IQCM: variants seen among roughly 807,000 people sequenced by gnomAD.
IQCM encodes IQ motif containing M.
Under a neutral mutation model 57.6 loss-of-function variants are expected in IQCM, and 45 were observed. That is an observed-to-expected ratio of 0.78 (90% CI 0.62 to 1.00). The LOEUF (loss-of-function observed/expected upper bound fraction) is 1.00, where lower values mean the gene tolerates loss of function less well. Among genes scored for constraint, IQCM ranks in the 50% least tolerant of loss-of-function variants. The pLI is 0.00. For missense variants in IQCM, 468 were observed against 511.6 expected (o/e 0.91, Z 0.82); for synonymous variants, 148 against 158.9 (o/e 0.93, Z 0.51).
At chr4:149,424,344 A>C (rs1204826133) in intron 13 of IQCM, among the ~76,000 whole-genome samples, 1 of 151,844 alleles carries the variant, frequency 6.6e-6, no homozygotes, top group East Asian at 1.9e-4. Flanking sequence ...AAATAAGATA[A>C]ATGTATATTT....
At chr4:149,632,013 T>G (rs1344607314) in intron 7 of IQCM, among the ~76,000 whole-genome samples, 1 of 152,224 alleles carries the variant, frequency 6.6e-6, no homozygotes, top group Admixed American at 6.5e-5. Context: ...AATCAAATCT[T>G]ACATGTTAAC....
chr4:149,761,801 G>A (rs182445691), intron 2 of IQCM, among the ~76,000 whole-genome samples: 13 of 152,172 alleles, frequency 8.5e-5, no homozygotes, highest in Admixed American at 8.5e-4. Flanking sequence ...TAGTTCCTTA[G>A]AAATATATGT....
intron 9 of IQCM, among the ~76,000 whole-genome samples, chr4:149,586,482 G>A (rs879721685): frequency 4.6e-5 from 7 of 151,348 alleles, no homozygotes; most frequent in Non-Finnish European, 1.0e-4. Flanking sequence ...GGTAATTTGT[G>A]TTTTATCTCT....
intron 13 of IQCM, among the ~76,000 whole-genome samples, chr4:149,374,047 G>A (rs1351819693): frequency 1.3e-5 from 2 of 152,170 alleles, no homozygotes; most frequent in Non-Finnish European, 2.9e-5. Context: ...AGCAGCAGCA[G>A]CGGCAGCAGC....
chr4:149,563,875 T>C lies in IQCM; in HGVS notation c.765A>G (p.Pro255=), dbSNP rs2149938650. ...PKSQPRIKGT[P]NKTDKLDSKV... ...TACTGTCAAGTTTATCAGTTTTATT[T>C]GGAGTACCTTTTATCCTAAAAATAA... The change falls in exon 10 of 14, where the codon CCA becomes CCG. Residue 255 remains proline, a synonymous_variant. Transcript: ENST00000636793. 4 of 1,227,076 alleles carry C rather than the reference T, an allele frequency of 3.3e-6. No homozygotes were observed. The South Asian group carries it at 1.7e-4, about 51-fold the overall frequency. The allele number at this position is 1,227,076 out of a possible 1,614,324, so 76.0% of individuals were successfully genotyped here.
At chr4:149,452,411 A>G (rs1379603987) in intron 12 of IQCM, among the ~76,000 whole-genome samples, 9 of 151,524 alleles carry the variant, frequency 5.9e-5, no homozygotes, top group African/African-American at 2.2e-4. Context: ...AAAAATGAAG[A>G]ACGTATACTA....
intron 8 of IQCM, among the ~76,000 whole-genome samples, chr4:149,608,221 T>A (rs150132865): frequency 1.3e-5 from 2 of 151,946 alleles, no homozygotes; most frequent in African/African-American, 4.8e-5. Context: ...TATAACAATT[T>A]CCAAATTATA....
intron 2 of IQCM, among the ~76,000 whole-genome samples, chr4:149,747,472 A>G (rs1768031985): frequency 6.6e-6 from 1 of 152,218 alleles, no homozygotes; most frequent in Admixed American, 6.5e-5. Context: ...TTCTAACACC[A>G]TATTGTTTAG....
In IQCM at chr4:149,352,116, T is replaced by C. The variant is rs991329777; in HGVS notation, c.1391-50A>G. The C allele has an allele frequency of 3.0e-5, 12 of 398,592 alleles. No individual in the cohort carries two copies. The East Asian group carries it at 3.2e-4, about 11-fold the overall frequency. 24.7% of individuals were successfully genotyped at this position (398,592 alleles called of 1,614,324 possible). ...ATTAATATATTTTCAATTAATATGATAGTAATGTACCATGGTTTTGAAATT... is the reference window on the plus strand; with the variant it reads ...ATTAATATATTTTCAATTAATATGACAGTAATGTACCATGGTTTTGAAATT... On this transcript the variant is annotated intron_variant, in intron 13 of 13. Coordinates refer to ENST00000636793, the MANE Select transcript of IQCM (RefSeq NM_001363507.2).
intron 13 of IQCM, among the ~76,000 whole-genome samples, chr4:149,384,160 T>C (rs1419462584): frequency 4.6e-5 from 7 of 152,172 alleles, no homozygotes; most frequent in Admixed American, 6.6e-5. Flanking sequence ...AGCAAAGTGA[T>C]ATGGATTTAT....
chr4:149,742,511 T>A (rs1023147058), intron 3 of IQCM, 144 bp downstream of exon 3: 1 of 465,954 alleles, frequency 2.1e-6, no homozygotes, highest in African/African-American at 2.0e-5. Context: ...AGTTGGTTAT[T>A]TTTAAATAAA....
chr4:149,530,133 C>A (rs1418155403), intron 12 of IQCM, among the ~76,000 whole-genome samples: 4 of 152,078 alleles, frequency 2.6e-5, no homozygotes, highest in Non-Finnish European at 4.4e-5. Context: ...TTCTGATCAC[C>A]CCAAAGAAAA....
intron 10 of IQCM, among the ~76,000 whole-genome samples, 190 bp downstream of exon 10, chr4:149,563,502 C>T (rs1446101028): frequency 6.6e-6 from 1 of 152,032 alleles, no homozygotes; most frequent in Non-Finnish European, 1.5e-5. Context: ...AGGAGAATCG[C>T]TTGAACCCAG....
Position 149,562,461 on chromosome 4 carries a change from T to C in IQCM, c.948+1231A>G, listed in dbSNP as rs528968187. Among the ~76,000 whole-genome samples the C allele has an allele frequency of 1.7e-4, 26 of 152,290 alleles. 1 individual carries two copies. The highest frequency in any genetic ancestry group is 6.0e-4 in the African/African-American group (25 of 41,566). On this transcript the variant is annotated intron_variant, in intron 10 of 13. Transcript: ENST00000636793. ...TGGTAGAACAGTTTATCAATATAGATAGTTACAGAAAAGAAAGAGCTTTGT... is the reference window on the plus strand; with the variant it reads ...TGGTAGAACAGTTTATCAATATAGACAGTTACAGAAAAGAAAGAGCTTTGT...
At chr4:149,636,514 A>G (rs1337264317) in intron 7 of IQCM, among the ~76,000 whole-genome samples, 2 of 152,168 alleles carry the variant, frequency 1.3e-5, no homozygotes, top group Non-Finnish European at 2.9e-5. Context: ...AAGAACCCAG[A>G]GAAGTCTATC....
intron 2 of IQCM, among the ~76,000 whole-genome samples, chr4:149,808,390 G>T (rs1774268377): frequency 6.6e-6 from 1 of 152,066 alleles, no homozygotes; most frequent in Admixed American, 6.6e-5. Context: ...TAGAATAGTG[G>T]TTACTAGAAG....
intron 2 of IQCM, among the ~76,000 whole-genome samples, chr4:149,785,550 T>C (rs1772003637): frequency 6.6e-6 from 1 of 152,134 alleles, no homozygotes; most frequent in Non-Finnish European, 1.5e-5. Flanking sequence ...TGAAGGATGG[T>C]ACACAAATGG....
At chr4:149,521,062 G>T (rs2149831052) in intron 12 of IQCM, among the ~76,000 whole-genome samples, 1 of 152,236 alleles carries the variant, frequency 6.6e-6, no homozygotes, top group East Asian at 1.9e-4. Flanking sequence ...TCTCACTTGG[G>T]TCCATAAGAA....
At chr4:149,579,364 C>T (rs967677407) in intron 9 of IQCM, among the ~76,000 whole-genome samples, 4 of 151,856 alleles carry the variant, frequency 2.6e-5, no homozygotes, top group African/African-American at 7.2e-5. Context: ...CCGATTTAGC[C>T]TGTAGCTGAA....
Sources: gnomAD v4.1 joint callset for allele counts (sites outside exome capture counted in the v4.1 genomes callset) on GRCh38, gnomAD v4.1.1 for gene constraint, MANE v1.5 for transcripts, NCBI Gene and HGNC (gene_info 2026-07-23, HGNC 2026-07-21) for gene names.